Variants in ARHGAP39 observed in about 807,000 individuals in gnomAD.
ARHGAP39 encodes the protein Rho GTPase activating protein 39.
A neutral mutation model predicts 106.9 loss-of-function variants in ARHGAP39; 44 were observed. The observed-to-expected ratio is 0.41, with a 90% CI of 0.32 to 0.53. The LOEUF is 0.53. ARHGAP39 is among the 20% of genes least tolerant of loss of function. ARHGAP39 has a pLI of 0.21. For synonymous variants in ARHGAP39, 768 were observed against 693.2 expected (o/e 1.11, Z -1.69); for missense variants, 1,496 against 1,577.3 (o/e 0.95, Z 0.87).
chr8:144,600,747 G>A (rs1367835402), intron 2 of ARHGAP39, among the ~76,000 whole-genome samples: 47 of 151,478 alleles, frequency 3.1e-4, no homozygotes, highest in Admixed American at 3.1e-3. Context: ...AGGCGTGCGT[G>A]CGCACTTGTG....
At chr8:144,654,137 T>C (rs1208505559) in intron 1 of ARHGAP39, among the ~76,000 whole-genome samples, 2 of 152,094 alleles carry the variant, frequency 1.3e-5, no homozygotes, top group African/African-American at 2.4e-5. Flanking sequence ...CCAACATATA[T>C]ATAACTGGAA....
intron 2 of ARHGAP39, among the ~76,000 whole-genome samples, chr8:144,599,224 T>C (rs1464204247): frequency 2.6e-5 from 4 of 152,188 alleles, no homozygotes; most frequent in African/African-American, 7.2e-5. Context: ...ACAAGCAGAC[T>C]GCAGCAGTCC....
Position 144,545,362 on chromosome 8 carries a change from C to T in ARHGAP39, c.2408G>A (p.Arg803His), listed in dbSNP as rs752652890. The T allele has an allele frequency of 2.3e-5, 36 of 1,597,706 alleles. No homozygotes were observed. The highest frequency in any genetic ancestry group is 6.7e-5 in the Admixed American group (4 of 59,510). The change falls in exon 6 of 12, where the codon CGC becomes CAC. Residue 803 changes from arginine to histidine, a missense_variant. Transcript: ENST00000377307. ...GCAGATGGCCATGAGCTCCCAGCCG[C>T]GGGCCAGGCTCTCCAGGCGGAAGTT... Reference protein sequence around the residue: ...TENFRLESLARGWELMAICLA... With the variant: ...TENFRLESLAHGWELMAICLA...
intron 3 of ARHGAP39, among the ~76,000 whole-genome samples, chr8:144,570,832 C>T (rs1818561482): frequency 6.6e-6 from 1 of 152,080 alleles, no homozygotes; most frequent in Non-Finnish European, 1.5e-5. Flanking sequence ...TACAAACTAC[C>T]ATCAGAGAAT....
At chr8:144,692,009 A>AG in the ARHGAP39 span, among the ~76,000 whole-genome samples, 1 of 152,048 alleles carries the variant, frequency 6.6e-6, no homozygotes, top group Non-Finnish European at 1.5e-5. Context: ...CTTCACAAGT[A>AG]GAAGCTACAC....
At chr8:144,630,254 G>A (rs78722379) in intron 1 of ARHGAP39, among the ~76,000 whole-genome samples, 2 of 152,332 alleles carry the variant, frequency 1.3e-5, no homozygotes, top group East Asian at 1.9e-4. Flanking sequence ...CCAGGCACAG[G>A]TGCCCTTTCC....
intron 4 of ARHGAP39, among the ~76,000 whole-genome samples, chr8:144,550,207 C>G (rs865937508): frequency 6.6e-6 from 1 of 151,934 alleles, no homozygotes; most frequent in East Asian, 1.9e-4. Flanking sequence ...TCAGGGAGGT[C>G]GAAGCTGCAG....
At chr8:144,601,215 TGC>T (rs1819910783) in intron 2 of ARHGAP39, among the ~76,000 whole-genome samples, 1 of 137,802 alleles carries the variant, frequency 7.3e-6, no homozygotes, top group Admixed American at 7.3e-5. Context: ...TGCGTGGAGG[TGC>T]GTGTGCAAGC....
At chr8:144,683,030 A>C (rs1822468415) in intron 1 of ARHGAP39, 1 of 151,948 alleles carries the variant, frequency 6.6e-6, no homozygotes, top group Non-Finnish European at 1.5e-5. Flanking sequence ...AACAAGCAAA[A>C]ACTGGCTGGG....
chr8:144,589,636 A>G (rs1375403117), intron 2 of ARHGAP39, among the ~76,000 whole-genome samples: 2 of 152,224 alleles, frequency 1.3e-5, no homozygotes, highest in Non-Finnish European at 2.9e-5. Context: ...GGGAGGGGCT[A>G]GTGTGCAGGG....
At chr8:144,669,600 A>G (rs1210076717) in intron 1 of ARHGAP39, among the ~76,000 whole-genome samples, 3 of 152,104 alleles carry the variant, frequency 2.0e-5, no homozygotes, top group Non-Finnish European at 4.4e-5. Flanking sequence ...AGAATGGAAG[A>G]ACACATTTGT....
chr8:144,627,509 C>G (rs571933159), intron 1 of ARHGAP39, among the ~76,000 whole-genome samples: 96 of 145,286 alleles, frequency 6.6e-4, no homozygotes, highest in African/African-American at 2.4e-3. Context: ...GAGCTGAGAT[C>G]GCACCACTGC....
chr8:144,661,983 C>A, intron 1 of ARHGAP39, among the ~76,000 whole-genome samples: 1 of 151,516 alleles, frequency 6.6e-6, no homozygotes, highest in East Asian at 1.9e-4. Context: ...TCACCCTCCC[C>A]ATTATCCACC....
chr8:144,623,455 C>T (rs1009757505), intron 1 of ARHGAP39, among the ~76,000 whole-genome samples: 7 of 152,168 alleles, frequency 4.6e-5, no homozygotes, highest in Non-Finnish European at 1.0e-4. Context: ...GCAGGAAATT[C>T]TAAAAGTCAA....
intron 1 of ARHGAP39, among the ~76,000 whole-genome samples, chr8:144,667,833 T>C (rs752546980): frequency 4.6e-5 from 7 of 152,204 alleles, no homozygotes; most frequent in African/African-American, 1.2e-4. Context: ...AAACACAGAA[T>C]GTGTTCAGAG....
intron 6 of ARHGAP39, 148 bp downstream of exon 6, chr8:144,545,099 CCA>C: frequency 1.5e-6 from 1 of 685,926 alleles, no homozygotes; most frequent in Non-Finnish European, 2.1e-6. Flanking sequence ...CAGCAGAGGC[CCA>C]GAGTGTGGGG....
chr8:144,656,955 A>G (rs1173312042), intron 1 of ARHGAP39, among the ~76,000 whole-genome samples: 1 of 152,158 alleles, frequency 6.6e-6, no homozygotes, highest in Admixed American at 6.5e-5. Context: ...AAAATCACTC[A>G]CGAAGAAATA....
chr8:144,579,790 C>T (rs1309554484), intron 3 of ARHGAP39, among the ~76,000 whole-genome samples: 1 of 152,176 alleles, frequency 6.6e-6, no homozygotes, highest in Non-Finnish European at 1.5e-5. Context: ...TGGGCCTCAG[C>T]TCCCCTGGCA....
At chr8:144,555,819 T>G (rs1488736997) in intron 3 of ARHGAP39, among the ~76,000 whole-genome samples, 176 bp from the exon 4 acceptor site, 1 of 152,176 alleles carries the variant, frequency 6.6e-6, no homozygotes, top group Non-Finnish European at 1.5e-5. Flanking sequence ...TTCCAGCAGG[T>G]ACACACCACT....
Sources: gnomAD v4.1 joint callset for allele counts (sites outside exome capture counted in the v4.1 genomes callset) on GRCh38, gnomAD v4.1.1 for gene constraint, MANE v1.5 for transcripts, NCBI Gene and HGNC (gene_info 2026-07-23, HGNC 2026-07-21) for gene names.